The following AGBL4 variants were observed in gnomAD, a reference collection of about 807,000 sequenced individuals.
AGBL4 encodes AGBL carboxypeptidase 4.
A neutral mutation model predicts 66.4 loss-of-function variants in AGBL4; 58 were observed. The observed-to-expected ratio is 0.87, with a 90% CI of 0.71 to 1.09. The LOEUF is 1.09. Ranked by LOEUF, AGBL4 falls within the 50% of genes least tolerant of loss-of-function variation. AGBL4 has a pLI of 0.00. For synonymous variants in AGBL4, 234 were observed against 222.9 expected (o/e 1.05, Z -0.44); for missense variants, 579 against 631.0 (o/e 0.92, Z 0.88).
intron 3 of AGBL4, among the ~76,000 whole-genome samples, chr1:49,366,172 G>T (rs1157310641): frequency 6.6e-6 from 1 of 152,084 alleles, no homozygotes; most frequent in Non-Finnish European, 1.5e-5. Context: ...AAAAAAGATG[G>T]ATGCCTGTCT....
At chr1:49,897,231 A>G (rs1197219826) in intron 1 of AGBL4, among the ~76,000 whole-genome samples, 2 of 152,064 alleles carry the variant, frequency 1.3e-5, no homozygotes, top group Non-Finnish European at 2.9e-5. Context: ...CCACCAGAAA[A>G]CTATTAGAAC....
At chr1:48,827,757 G>A (rs1241351747) in intron 6 of AGBL4, among the ~76,000 whole-genome samples, 2 of 152,168 alleles carry the variant, frequency 1.3e-5, no homozygotes, top group African/African-American at 4.8e-5. Flanking sequence ...TCCACAGGCT[G>A]GGGGATGAGA....
chr1:49,158,209 C>A (rs988747421), intron 4 of AGBL4, among the ~76,000 whole-genome samples: 1 of 152,056 alleles, frequency 6.6e-6, no homozygotes, highest in Non-Finnish European at 1.5e-5. Context: ...AATGTAAGAC[C>A]TAAAACCATA....
At chr1:49,836,749 G>A (rs10888670) in intron 2 of AGBL4, among the ~76,000 whole-genome samples, 14,055 of 152,072 alleles carry the variant, frequency 0.092, 860 homozygotes, top group African/African-American at 0.16. Context: ...GGTGACCTTC[G>A]GATGGGGTTG....
At chr1:49,090,470 A>G (rs1231621790) in intron 4 of AGBL4, among the ~76,000 whole-genome samples, 1 of 152,124 alleles carries the variant, frequency 6.6e-6, no homozygotes, top group Non-Finnish European at 1.5e-5. Context: ...CAAATCAAGA[A>G]TGCAATCCCA....
chr1:48,600,336 T>G (rs1478082590), intron 9 of AGBL4, among the ~76,000 whole-genome samples: 1 of 152,102 alleles, frequency 6.6e-6, no homozygotes, highest in Non-Finnish European at 1.5e-5. Context: ...AGGATAATAA[T>G]AACAACATAG....
chr1:49,564,005 A>C (rs920434894), intron 3 of AGBL4, among the ~76,000 whole-genome samples: 5 of 152,022 alleles, frequency 3.3e-5, no homozygotes, highest in African/African-American at 9.7e-5. Context: ...TTGGTCTATT[A>C]AGGGATTCAA....
At position 48,736,228 on chromosome 1, in the gene AGBL4, C is replaced by T. The variant is rs753524920; in HGVS notation, c.635-72987G>A. On this transcript the variant is annotated intron_variant, in intron 6 of 13. Transcript: ENST00000371839. The surrounding 1 kb of genome is among the most constrained non-coding windows in gnomAD (Gnocchi z 4.0). ...GAATCCCAGCCATTGTGTTTCCACT[C>T]AGTGACCTACCTCTGACGATGCTTA... The T allele has an allele frequency of 1.2e-6, 2 of 1,611,478 alleles. No homozygotes were observed. Among genetic ancestry groups the T allele is most frequent in the Middle Eastern group, 1.7e-4 (1 of 6,054 alleles).
intron 2 of AGBL4, among the ~76,000 whole-genome samples, chr1:49,740,071 G>T (rs11807582): frequency 0.048 from 7,363 of 152,086 alleles, 564 homozygotes; most frequent in African/African-American, 0.16. Flanking sequence ...AATATAAATG[G>T]GCTAAATGCT....
chr1:48,658,913 C>T (rs1159776832), intron 7 of AGBL4, among the ~76,000 whole-genome samples: 3 of 151,666 alleles, frequency 2.0e-5, no homozygotes, highest in African/African-American at 4.8e-5. Context: ...ACAAAATAAC[C>T]CTGAGGAGTG....
intron 6 of AGBL4, chr1:48,759,349 A>T: frequency 6.6e-7 from 1 of 1,509,874 alleles, no homozygotes; most frequent in Admixed American, 2.1e-5. Flanking sequence ...CTGCAGATCA[A>T]TATTTCCCCA....
At chr1:49,004,352 A>G (rs1661617112) in intron 5 of AGBL4, among the ~76,000 whole-genome samples, 1 of 152,232 alleles carries the variant, frequency 6.6e-6, no homozygotes, top group African/African-American at 2.4e-5. Context: ...GTATGGCATT[A>G]CAGGTATGAT....
chr1:49,391,551 T>G (rs1025635722), intron 3 of AGBL4, among the ~76,000 whole-genome samples: 13 of 107,232 alleles, frequency 1.2e-4, no homozygotes, highest in African/African-American at 3.0e-4. Context: ...TAACCATGAG[T>G]TTTTTTTTTT....
intron 4 of AGBL4, among the ~76,000 whole-genome samples, chr1:49,086,573 A>G (rs1236643073): frequency 3.3e-5 from 5 of 152,082 alleles, no homozygotes. Context: ...GGCAAGCTAC[A>G]TCTGCTAGAG....
intron 5 of AGBL4, among the ~76,000 whole-genome samples, chr1:49,010,723 C>T (rs1301368969): frequency 6.7e-6 from 1 of 150,264 alleles, no homozygotes; most frequent in African/African-American, 2.5e-5. Context: ...AGAAATAACG[C>T]CGCATATCTA....
At chr1:49,920,302 C>A (rs1353103515) in intron 1 of AGBL4, among the ~76,000 whole-genome samples, 5 of 151,938 alleles carry the variant, frequency 3.3e-5, no homozygotes, top group Non-Finnish European at 7.4e-5. Context: ...GTAAACAGGC[C>A]ACCTACAGAA....
chr1:49,122,199 G>A (rs186807168), intron 4 of AGBL4, among the ~76,000 whole-genome samples: 23 of 152,216 alleles, frequency 1.5e-4, no homozygotes, highest in Non-Finnish European at 1.2e-4. Context: ...GCTTTGCCTC[G>A]CCCTCCATGG....
intron 1 of AGBL4, among the ~76,000 whole-genome samples, chr1:49,890,468 A>G (rs1194134377): frequency 6.6e-6 from 1 of 152,196 alleles, no homozygotes; most frequent in East Asian, 1.9e-4. Flanking sequence ...GAGGAGAAAA[A>G]AAAAGTCAAA....
intron 4 of AGBL4, among the ~76,000 whole-genome samples, chr1:49,233,113 T>C (rs1362353055): frequency 6.6e-6 from 1 of 152,214 alleles, no homozygotes; most frequent in Admixed American, 6.5e-5. Context: ...TCTGATTATT[T>C]CTTTCATCAT....
Sources: gnomAD v4.1 joint callset for allele counts (sites outside exome capture counted in the v4.1 genomes callset) on GRCh38, gnomAD v4.1.1 for gene constraint, Gnocchi (gnomAD v3.1) non-coding constraint, MANE v1.5 for transcripts, NCBI Gene and HGNC (gene_info 2026-07-23, HGNC 2026-07-21) for gene names.